Variants in TRHDE observed in about 807,000 individuals in gnomAD.
The protein encoded by TRHDE is thyrotropin-releasing hormone-degrading ectoenzyme.
In TRHDE, 72 loss-of-function variants were observed where a neutral mutation model predicts 125.7. That is an observed-to-expected ratio of 0.57 (90% CI 0.47 to 0.70). The LOEUF (loss-of-function observed/expected upper bound fraction) is 0.70, where lower values mean the gene tolerates loss of function less well. TRHDE is among the 30% of genes least tolerant of loss of function. The pLI, the probability that TRHDE is intolerant of heterozygous loss-of-function variation, is 0.00. For missense variants in TRHDE, 1,110 were observed against 1,327.1 expected (o/e 0.84, Z 2.54); for synonymous variants, 509 against 509.1 (o/e 1.00, Z 0.00).
intron 5 of TRHDE, among the ~76,000 whole-genome samples, chr12:72,497,808 G>A (rs944762901): frequency 6.6e-6 from 1 of 152,050 alleles, no homozygotes; most frequent in Non-Finnish European, 1.5e-5. Context: ...AGATCTTAGT[G>A]TTGCTTTTCA....
At chr12:72,312,815 A>C (rs1327049730) in intron 2 of TRHDE, among the ~76,000 whole-genome samples, 2 of 152,182 alleles carry the variant, frequency 1.3e-5, no homozygotes, top group East Asian at 3.8e-4. Context: ...CTAGTAAGTA[A>C]TAAAGTAGTG....
At chr12:72,597,179 T>C (rs1293278013) in intron 12 of TRHDE, among the ~76,000 whole-genome samples, 2 of 152,236 alleles carry the variant, frequency 1.3e-5, no homozygotes, top group Non-Finnish European at 2.9e-5. Flanking sequence ...TCTCTAGTTA[T>C]ACACTGCTAT....
At chr12:72,448,327 A>G (rs1039010284) in intron 3 of TRHDE, among the ~76,000 whole-genome samples, 5 of 152,074 alleles carry the variant, frequency 3.3e-5, no homozygotes, top group African/African-American at 1.2e-4. Context: ...TAAATTGTGT[A>G]ATGGCTTCAT....
chr12:72,260,178 T>C (rs1169403296), intron 2 of TRHDE, among the ~76,000 whole-genome samples: 3 of 152,186 alleles, frequency 2.0e-5, no homozygotes, highest in African/African-American at 7.2e-5. Flanking sequence ...TCTTACCTTA[T>C]ATGCTGATTT....
intron 2 of TRHDE, among the ~76,000 whole-genome samples, chr12:72,218,692 C>T (rs1299620697): frequency 6.6e-6 from 1 of 152,088 alleles, no homozygotes; most frequent in Non-Finnish European, 1.5e-5. Context: ...CTGGTTTTTA[C>T]TGCATACACA....
chr12:72,499,751 T>C, intron 6 of TRHDE, 116 bp downstream of exon 6: 1 of 1,168,054 alleles, frequency 8.6e-7, no homozygotes, highest in Non-Finnish European at 1.2e-6. Flanking sequence ...TAGACTGTGA[T>C]TTAGAAAACA....
intron 12 of TRHDE, among the ~76,000 whole-genome samples, chr12:72,617,382 A>G (rs972762890): frequency 6.6e-6 from 1 of 152,152 alleles, no homozygotes; most frequent in Non-Finnish European, 1.5e-5. Context: ...GGTATAAACT[A>G]ATATTCATCT....
chr12:72,395,109 A>G (rs558505246), intron 3 of TRHDE, among the ~76,000 whole-genome samples: 8 of 152,262 alleles, frequency 5.3e-5, no homozygotes, highest in Non-Finnish European at 1.0e-4. Context: ...GTTCTTACCT[A>G]TAGTCTCCAT....
chr12:72,470,660 T>A (rs1428021817), intron 4 of TRHDE, among the ~76,000 whole-genome samples: 1 of 152,112 alleles, frequency 6.6e-6, no homozygotes, highest in Non-Finnish European at 1.5e-5. Context: ...TTTAAACTTA[T>A]AACACCAGAT....
At chr12:72,342,647 A>G (rs1206458867) in intron 2 of TRHDE, among the ~76,000 whole-genome samples, 1 of 152,134 alleles carries the variant, frequency 6.6e-6, no homozygotes, top group African/African-American at 2.4e-5. Context: ...AGTAGATTTA[A>G]CTAGTATCTT....
At chr12:72,631,400 TTC>T (rs1873489055) in intron 15 of TRHDE, among the ~76,000 whole-genome samples, 1 of 151,844 alleles carries the variant, frequency 6.6e-6, no homozygotes, top group African/African-American at 2.4e-5. Context: ...TTCAATAATT[TTC>T]TGTTACTTCA....
intron 12 of TRHDE, among the ~76,000 whole-genome samples, chr12:72,601,850 CA>C (rs950437855): frequency 6.6e-5 from 10 of 151,858 alleles, no homozygotes; most frequent in Admixed American, 4.6e-4. Context: ...ACTGGAAAAC[CA>C]AAAAAATTTG....
chr12:72,210,104 T>A (rs1019694700), intron 2 of TRHDE, among the ~76,000 whole-genome samples: 19 of 152,316 alleles, frequency 1.2e-4, no homozygotes, highest in African/African-American at 4.6e-4. Flanking sequence ...AAAGTTTCAA[T>A]ATTAATATTT....
intron 3 of TRHDE, among the ~76,000 whole-genome samples, chr12:72,379,794 G>A (rs564569593): frequency 1.2e-4 from 19 of 152,224 alleles, no homozygotes; most frequent in African/African-American, 4.1e-4. Context: ...CTACCTTATG[G>A]TGTATATAAT....
intron 15 of TRHDE, among the ~76,000 whole-genome samples, chr12:72,637,434 T>C (rs1292018183): frequency 6.6e-6 from 1 of 152,154 alleles, no homozygotes; most frequent in African/African-American, 2.4e-5. Context: ...ATCAATTTTG[T>C]TGATCCTTTC....
chr12:72,415,906 G>C (rs1006495050), intron 3 of TRHDE, among the ~76,000 whole-genome samples: 2 of 151,992 alleles, frequency 1.3e-5, no homozygotes, highest in African/African-American at 4.8e-5. Flanking sequence ...ACCCAACAGT[G>C]GGATTGCTAG....
At chr12:72,524,419 AT>A (rs1281100019) in intron 6 of TRHDE, among the ~76,000 whole-genome samples, 3 of 152,030 alleles carry the variant, frequency 2.0e-5, no homozygotes, top group African/African-American at 4.8e-5. Context: ...CCTAGACAAG[AT>A]TTTTTTTCTT....
intron 12 of TRHDE, among the ~76,000 whole-genome samples, chr12:72,600,631 C>T (rs1872170793): frequency 1.3e-5 from 2 of 151,872 alleles, no homozygotes; most frequent in Admixed American, 1.3e-4. Flanking sequence ...TTATTAGTTC[C>T]AGGAGTCTTT....
intron 2 of TRHDE, among the ~76,000 whole-genome samples, chr12:72,129,190 T>G (rs1875801294): frequency 6.6e-6 from 1 of 152,090 alleles, no homozygotes; most frequent in Admixed American, 6.6e-5. Flanking sequence ...AAAGAAAAAT[T>G]AAAGAGGATT....
Sources: gnomAD v4.1 joint callset for allele counts (sites outside exome capture counted in the v4.1 genomes callset) on GRCh38, gnomAD v4.1.1 for gene constraint, MANE v1.5 for transcripts, NCBI Gene and HGNC (gene_info 2026-07-23, HGNC 2026-07-21) for gene names.